CERS6: variants seen among roughly 807,000 people sequenced by gnomAD.
The protein encoded by CERS6 is ceramide synthase 6.
CERS6 carries 26 observed loss-of-function variants against 56.8 expected under a neutral mutation model. The ratio of observed to expected loss-of-function variants is 0.46; its 90% CI spans 0.34 to 0.63. The LOEUF (loss-of-function observed/expected upper bound fraction) is 0.63. Ranked by LOEUF, CERS6 falls within the 30% of genes least tolerant of loss-of-function variation. The pLI is 0.01. For synonymous variants in CERS6, 164 were observed against 173.3 expected (o/e 0.95, Z 0.42); for missense variants, 415 against 467.5 (o/e 0.89, Z 1.04).
chr2:168,744,781 T>A (rs1362020589), intron 8 of CERS6, among the ~76,000 whole-genome samples: 2 of 152,204 alleles, frequency 1.3e-5, no homozygotes, highest in Non-Finnish European at 2.9e-5. Flanking sequence ...AGAAAGTTAT[T>A]CAGAATTGTT....
At chr2:168,544,855 C>G (rs1695435289) in intron 1 of CERS6, among the ~76,000 whole-genome samples, 1 of 152,028 alleles carries the variant, frequency 6.6e-6, no homozygotes. Context: ...CCAGATGTCC[C>G]TGGTTTTTTT....
intron 3 of CERS6, among the ~76,000 whole-genome samples, chr2:168,606,720 T>C (rs1271233138): frequency 6.6e-6 from 1 of 152,218 alleles, no homozygotes; most frequent in Non-Finnish European, 1.5e-5. Context: ...CCAAATCTCA[T>C]ACTGATATGT....
At chr2:168,762,090 T>G (rs1684597925) in intron 8 of CERS6, among the ~76,000 whole-genome samples, 1 of 151,938 alleles carries the variant, frequency 6.6e-6, no homozygotes, top group African/African-American at 2.4e-5. Context: ...GGTGAATGAG[T>G]GCAGCAAACC....
At chr2:168,534,595 C>G (rs928186203) in intron 1 of CERS6, among the ~76,000 whole-genome samples, 2 of 152,230 alleles carry the variant, frequency 1.3e-5, no homozygotes, top group Non-Finnish European at 2.9e-5. Context: ...AGGATGGGTG[C>G]CTGCTCCTTC....
At position 168,707,159 on chromosome 2, in the gene CERS6, C is replaced by T. The variant is rs191121706; in HGVS notation, c.610-7842C>T. 2.5e-3 allele frequency among the ~76,000 whole-genome samples: 380 copies of T among 152,294 alleles called. 1 individual carries two copies. The highest frequency in any genetic ancestry group is 8.6e-3 in the African/African-American group (356 of 41,558). On this transcript the variant is annotated intron_variant, in intron 6 of 9. Transcript: ENST00000305747. Reference sequence around the variant, plus strand: ...TTTAAAAACATTTTGATAGTAACCACAGAAAATTCAACATCTTTAAACCAA... The same window carrying T: ...TTTAAAAACATTTTGATAGTAACCATAGAAAATTCAACATCTTTAAACCAA...
chr2:168,465,677 GT>G (rs1245941567), intron 1 of CERS6, among the ~76,000 whole-genome samples: 2 of 152,158 alleles, frequency 1.3e-5, no homozygotes, highest in African/African-American at 4.8e-5. Context: ...GGTACCTAGA[GT>G]AGTCAGATTC....
At position 168,773,957 on chromosome 2, in the gene CERS6, T is replaced by A. The variant is rs1482330929; in HGVS notation, c.*4295T>A. 1 of 152,208 alleles carries A rather than the reference T, an allele frequency of 6.6e-6. No homozygotes were observed. 9.4% of individuals were successfully genotyped at this position (152,208 alleles called of 1,614,324 possible). On this transcript the variant is annotated 3_prime_UTR_variant, in exon 10 of 10. Coordinates refer to ENST00000305747, the MANE Select transcript of CERS6 (RefSeq NM_203463.3). ...CCAATAAATACTTAGAGGTAGTGTA[T>A]CTGATGCTTGTTTTCGTGGAGAAAA... is the stretch of plus-strand genomic sequence containing the variant.
intron 4 of CERS6, among the ~76,000 whole-genome samples, chr2:168,648,968 T>C (rs1220658946): frequency 6.6e-6 from 1 of 152,124 alleles, no homozygotes; most frequent in East Asian, 1.9e-4. Context: ...TATTCTGTTG[T>C]TTTGGGGTGG....
chr2:168,724,792 G>A (rs1369215119), intron 8 of CERS6, among the ~76,000 whole-genome samples: 2 of 152,226 alleles, frequency 1.3e-5, no homozygotes, highest in Admixed American at 6.5e-5. Context: ...AGACATAAAG[G>A]TTCTCCAAGG....
intron 3 of CERS6, among the ~76,000 whole-genome samples, chr2:168,600,484 G>A (rs1229151878): frequency 6.6e-6 from 1 of 152,172 alleles, no homozygotes; most frequent in Non-Finnish European, 1.5e-5. Context: ...GATTACAGGC[G>A]TGAGCCACCA....
In CERS6 at chr2:168,587,836, A is replaced by G. The variant is rs143675763; in HGVS notation, c.407+26514A>G. ...CTTAAATTGCATTTTAACAAGTAGA[A>G]CATCATAATGATATAGTAGTATAAC... On this transcript the variant is annotated intron_variant, in intron 3 of 9. Transcript: ENST00000305747. Among the ~76,000 whole-genome samples the G allele has an allele frequency of 4.4e-3, 667 of 152,150 alleles. 6 individuals are homozygous for G. Among genetic ancestry groups the G allele is most frequent in the African/African-American group, 0.015 (620 of 41,538 alleles).
rs1693772900 is a variant in CERS6, at chr2:168,461,165, A to G, written c.170+4547A>G. On this transcript the variant is annotated intron_variant, in intron 1 of 9. Coordinates refer to ENST00000305747, the MANE Select transcript of CERS6 (RefSeq NM_203463.3). ...TGAAGAGACTGATCTGATATATTTTAAAAGACTGTTTGGGAACAACTTGCA... is the reference window on the plus strand; with the variant it reads ...TGAAGAGACTGATCTGATATATTTTGAAAGACTGTTTGGGAACAACTTGCA... Among the ~76,000 whole-genome samples the G allele has an allele frequency of 3.3e-5, 5 of 152,284 alleles. No homozygotes were observed. In the South Asian group the frequency reaches 1.0e-3, roughly 32 times the overall value.
chr2:168,653,540 CTA>C (rs1409778367), intron 4 of CERS6, among the ~76,000 whole-genome samples: 1 of 152,088 alleles, frequency 6.6e-6, no homozygotes, highest in East Asian at 1.9e-4. Flanking sequence ...TTCTGGTGTG[CTA>C]TGTTTGTTTA....
intron 1 of CERS6, among the ~76,000 whole-genome samples, chr2:168,540,567 C>T (rs145779022): frequency 4.1e-4 from 63 of 152,284 alleles, no homozygotes; most frequent in Non-Finnish European, 6.5e-4. Context: ...GTAGGCCATA[C>T]CATCTAGGTT....
intron 4 of CERS6, among the ~76,000 whole-genome samples, chr2:168,649,827 A>G (rs1438761384): frequency 6.6e-6 from 1 of 151,848 alleles, no homozygotes; most frequent in Non-Finnish European, 1.5e-5. Context: ...TCCCCCTCGT[A>G]GAGGACTCTG....
intron 3 of CERS6, among the ~76,000 whole-genome samples, chr2:168,615,123 C>G (rs12615938): frequency 0.23 from 34,931 of 151,840 alleles, 4,965 homozygotes; most frequent in East Asian, 0.52. Flanking sequence ...AGATGACAGT[C>G]ACTACAACTT....
chr2:168,621,858 A>G (rs901575705), intron 3 of CERS6, among the ~76,000 whole-genome samples: 3 of 152,212 alleles, frequency 2.0e-5, no homozygotes, highest in Non-Finnish European at 4.4e-5. Context: ...GCATGAATAC[A>G]ATGACAGGAA....
chr2:168,507,276 T>G (rs1157671343), intron 1 of CERS6, among the ~76,000 whole-genome samples: 1 of 152,136 alleles, frequency 6.6e-6, no homozygotes, highest in East Asian at 1.9e-4. Flanking sequence ...AAATAGGCCT[T>G]TTTCCTATCT....
intron 4 of CERS6, among the ~76,000 whole-genome samples, chr2:168,674,998 G>A (rs1559047213): frequency 1.5e-5 from 2 of 136,708 alleles, no homozygotes; most frequent in African/African-American, 5.3e-5. Flanking sequence ...TTATTTAGAG[G>A]CGGAGTCTTG....
Sources: gnomAD v4.1 joint callset for allele counts (sites outside exome capture counted in the v4.1 genomes callset) on GRCh38, gnomAD v4.1.1 for gene constraint, MANE v1.5 for transcripts, NCBI Gene and HGNC (gene_info 2026-07-23, HGNC 2026-07-21) for gene names.